SYN3: variants seen among roughly 807,000 people sequenced by gnomAD.
SYN3 encodes synapsin-3.
A neutral mutation model predicts 65.8 loss-of-function variants in SYN3; 35 were observed. The ratio of observed to expected loss-of-function variants is 0.53; its 90% CI spans 0.41 to 0.70. The LOEUF (loss-of-function observed/expected upper bound fraction) is 0.70. SYN3 is among the 30% of genes least tolerant of loss of function. The probability of loss-of-function intolerance (pLI) is 0.00; values close to 1 mark genes in which losing one functional copy is unlikely to be tolerated. For missense variants in SYN3, 680 were observed against 749.0 expected (o/e 0.91, Z 1.08); for synonymous variants, 270 against 292.9 (o/e 0.92, Z 0.80).
At chr22:32,647,451 C>T (rs971633518) in intron 6 of SYN3, among the ~76,000 whole-genome samples, 7 of 144,868 alleles carry the variant, frequency 4.8e-5, no homozygotes, top group African/African-American at 1.5e-4. Context: ...TTTTCTTTTT[C>T]TTTTTTTTTT....
chr22:32,802,081 C>T (rs1436459662), intron 6 of SYN3: 9 of 1,578,138 alleles, frequency 5.7e-6, no homozygotes, highest in Non-Finnish European at 7.7e-6. Context: ...TGCACATGCT[C>T]GCCCAGCCAC....
At chr22:32,904,981 G>T (rs1337987937) in intron 4 of SYN3, among the ~76,000 whole-genome samples, 1 of 152,138 alleles carries the variant, frequency 6.6e-6, no homozygotes, top group African/African-American at 2.4e-5. Context: ...ATGTGCTTTT[G>T]TGTTCTGTGG....
intron 6 of SYN3, among the ~76,000 whole-genome samples, chr22:32,783,414 G>A (rs553461841): frequency 1.3e-5 from 2 of 152,276 alleles, no homozygotes; most frequent in South Asian, 4.1e-4. Context: ...AGGAGAAGCT[G>A]GAAACTGGAA....
chr22:32,977,616 T>C (rs1015492612), intron 3 of SYN3, among the ~76,000 whole-genome samples: 10 of 151,736 alleles, frequency 6.6e-5, no homozygotes, highest in Non-Finnish European at 7.4e-5. Flanking sequence ...TGGTGGCAGG[T>C]GCTTGTAGTC....
intron 7 of SYN3, among the ~76,000 whole-genome samples, chr22:32,547,018 G>C (rs555435869): frequency 1.3e-5 from 2 of 151,694 alleles, no homozygotes; most frequent in African/African-American, 4.8e-5. Context: ...TCTCTCTGTC[G>C]CCTAAGCTGG....
At position 32,948,955 on chromosome 22, in the gene SYN3, A is replaced by T. The variant is rs535683058; in HGVS notation, c.370-17474T>A. On this transcript the variant is annotated intron_variant, in intron 3 of 13. Transcript: ENST00000358763. ...AGGAGATACAGGTTGAACATTCCTTATCTGAAATGCTTGGGACCAGAAGTG... is the reference window on the plus strand; with the variant it reads ...AGGAGATACAGGTTGAACATTCCTTTTCTGAAATGCTTGGGACCAGAAGTG... 4.6e-5 allele frequency among the ~76,000 whole-genome samples: 7 copies of T among 151,286 alleles called. No individual in the cohort carries two copies. In the South Asian group the frequency reaches 1.3e-3, roughly 27 times the overall value.
intron 6 of SYN3, among the ~76,000 whole-genome samples, chr22:32,666,500 T>C (rs1446799136): frequency 6.6e-6 from 1 of 152,154 alleles, no homozygotes; most frequent in Non-Finnish European, 1.5e-5. Context: ...CCTCAGGCCC[T>C]TCGTCCTTGC....
chr22:32,857,451 C>T, intron 6 of SYN3: 1 of 948,466 alleles, frequency 1.1e-6, no homozygotes, highest in Non-Finnish European at 1.7e-6. Context: ...AGTTGACTCA[C>T]CAAATGTCCA....
chr22:32,676,538 T>C (rs1379831756), intron 6 of SYN3, among the ~76,000 whole-genome samples: 13 of 91,558 alleles, frequency 1.4e-4, no homozygotes, highest in East Asian at 4.4e-4. Flanking sequence ...CTTTTTTTTT[T>C]TTTTTTTTTT....
At chr22:33,005,725 C>T (rs555356429) in intron 2 of SYN3, among the ~76,000 whole-genome samples, 1 of 152,284 alleles carries the variant, frequency 6.6e-6, no homozygotes, top group South Asian at 2.1e-4. Context: ...AGCTGAGATG[C>T]ACACTCAGGC....
chr22:32,775,672 A>G (rs2045890359), intron 6 of SYN3, among the ~76,000 whole-genome samples: 1 of 148,172 alleles, frequency 6.7e-6, no homozygotes, highest in African/African-American at 2.5e-5. Context: ...TGAGATCAGG[A>G]GTTCTGCTGC....
intron 4 of SYN3, among the ~76,000 whole-genome samples, chr22:32,870,442 C>T (rs564974605): frequency 8.5e-5 from 13 of 152,160 alleles, no homozygotes; most frequent in Non-Finnish European, 1.5e-4. Flanking sequence ...AATGATATAT[C>T]ATAATTAAGT....
At chr22:32,562,021 A>G (rs2058593574) in intron 7 of SYN3, among the ~76,000 whole-genome samples, 1 of 152,224 alleles carries the variant, frequency 6.6e-6, no homozygotes, top group South Asian at 2.1e-4. Flanking sequence ...TTGGAAGAGC[A>G]TATTGAAGGA....
At chr22:32,780,115 C>T (rs2046003427) in intron 6 of SYN3, among the ~76,000 whole-genome samples, 1 of 142,550 alleles carries the variant, frequency 7.0e-6, no homozygotes, top group South Asian at 2.3e-4. Flanking sequence ...CAGAAATGGC[C>T]TGCCCTGACT....
chr22:32,870,894 G>A (rs1200551197), intron 4 of SYN3, among the ~76,000 whole-genome samples: 1 of 152,136 alleles, frequency 6.6e-6, no homozygotes, highest in African/African-American at 2.4e-5. Flanking sequence ...TGAGTTCTGT[G>A]TATTAAGGAT....
At chr22:32,621,264 G>C (rs910169431) in intron 6 of SYN3, among the ~76,000 whole-genome samples, 1 of 151,686 alleles carries the variant, frequency 6.6e-6, no homozygotes, top group African/African-American at 2.4e-5. Context: ...ACCACGCTGA[G>C]GGCCAGGTAA....
At chr22:32,669,397 A>G (rs896372948) in intron 6 of SYN3, among the ~76,000 whole-genome samples, 2 of 152,196 alleles carry the variant, frequency 1.3e-5, no homozygotes, top group African/African-American at 2.4e-5. Context: ...GAATTCTCCA[A>G]CAGATCCCTT....
chr22:32,586,552 A>G (rs1488778343), intron 7 of SYN3, among the ~76,000 whole-genome samples: 1 of 152,190 alleles, frequency 6.6e-6, no homozygotes, highest in Non-Finnish European at 1.5e-5. Flanking sequence ...CAGTGAAATC[A>G]TCAACAAAAA....
At chr22:32,902,527 T>C (rs1306302914) in intron 4 of SYN3, among the ~76,000 whole-genome samples, 1 of 152,258 alleles carries the variant, frequency 6.6e-6, no homozygotes, top group Non-Finnish European at 1.5e-5. Context: ...TCATTGGTTT[T>C]TTATTAGCCT....
Sources: gnomAD v4.1 joint callset for allele counts (sites outside exome capture counted in the v4.1 genomes callset) on GRCh38, gnomAD v4.1.1 for gene constraint, MANE v1.5 for transcripts, NCBI Gene and HGNC (gene_info 2026-07-23, HGNC 2026-07-21) for gene names.